ABLIM3: variants seen among roughly 807,000 people sequenced by gnomAD.
ABLIM3 encodes actin-binding LIM protein 3.
ABLIM3 carries 61 observed loss-of-function variants against 109.5 expected under a neutral mutation model. That is an observed-to-expected ratio of 0.56 (90% CI 0.45 to 0.69). The LOEUF is 0.69. Ranked by LOEUF, ABLIM3 falls within the 30% of genes least tolerant of loss-of-function variation. The pLI is 0.00. For missense variants in ABLIM3, 796 were observed against 889.5 expected (o/e 0.89, Z 1.34); for synonymous variants, 300 against 324.8 (o/e 0.92, Z 0.82).
Position 149,252,764 on chromosome 5 carries a change from C to T in ABLIM3, c.1865C>T (p.Pro622Leu). The T allele has an allele frequency of 6.2e-7, 1 of 1,613,146 alleles. No individual in the cohort carries two copies. ...NWGMREYKIY[P>L]YELLLVTTRG... ...ACCCCCCTTTCTCCTTAGATCTACCCTTATGAACTGCTGCTGGTGACTACA... is the reference window on the plus strand; with the variant it reads ...ACCCCCCTTTCTCCTTAGATCTACCTTTATGAACTGCTGCTGGTGACTACA... Residue 622 changes from proline (P) to leucine (L), a missense_variant, in exon 23 of 24, where the codon CCT becomes CTT. By Grantham distance (98) the Pro-to-Leu change is moderately conservative. Coordinates refer to ENST00000309868, the MANE Select transcript of ABLIM3 (RefSeq NM_014945.5).
At chr5:149,151,191 A>G (rs781339628) in intron 2 of ABLIM3, among the ~76,000 whole-genome samples, 3 of 152,096 alleles carry the variant, frequency 2.0e-5, no homozygotes, top group Non-Finnish European at 4.4e-5. Flanking sequence ...TTGCTTGGAG[A>G]TGGCTGCCTT....
At chr5:149,252,145 C>A in intron 21 of ABLIM3, 56 bp from the exon 22 acceptor site, 1 of 1,608,300 alleles carries the variant, frequency 6.2e-7, no homozygotes, top group Non-Finnish European at 8.5e-7. Context: ...TGTAGTGATG[C>A]AAAGCAAAGA....
In ABLIM3 at chr5:149,210,726, G is replaced by C; in HGVS notation, c.576G>C (p.Lys192Asn). Residue 192 changes from lysine (K) to asparagine (N), a missense_variant and splice_region_variant, in exon 7 of 24, where the codon AAG becomes AAC. Coordinates refer to ENST00000309868, the MANE Select transcript of ABLIM3 (RefSeq NM_014945.5). ...SVILTGEYIS[K>N]DGVPYCESDY... ...ATCCTATGTGAACTTCTTCTTGCAG[G>C]GATGGTGTTCCATACTGTGAGTCCG... The C allele has an allele frequency of 6.2e-7, 1 of 1,613,830 alleles. No homozygotes were observed.
chr5:149,164,883 A>C (rs1159110708), intron 2 of ABLIM3, among the ~76,000 whole-genome samples: 1 of 152,228 alleles, frequency 6.6e-6, no homozygotes, highest in African/African-American at 2.4e-5. Context: ...AAAAGTAATT[A>C]ACAGCCTGGA....
chr5:149,228,573 A>G lies in ABLIM3; in HGVS notation c.758-2076A>G, dbSNP rs1581184725. Among the ~76,000 whole-genome samples, 4 of 152,322 alleles carry G rather than the reference A, an allele frequency of 2.6e-5. No individual in the cohort carries two copies. The East Asian group carries it at 7.7e-4, about 29-fold the overall frequency. On this transcript the variant is annotated intron_variant, in intron 8 of 23. Coordinates refer to ENST00000309868, the MANE Select transcript of ABLIM3 (RefSeq NM_014945.5). The stretch of plus-strand genomic sequence containing the variant: ...TCCTTCTGTTAATGTCACATTGTTG[A>G]GCTATTGGCCTAGGGAATAAGCTCA...
intron 10 of ABLIM3, among the ~76,000 whole-genome samples, chr5:149,233,647 A>G (rs191029674): frequency 3.2e-4 from 48 of 152,306 alleles, no homozygotes; most frequent in African/African-American, 1.1e-3. Flanking sequence ...GCAAGAAAAA[A>G]CTGAGGATCA....
chr5:149,162,300 G>A (rs1754447156), intron 2 of ABLIM3, among the ~76,000 whole-genome samples: 1 of 152,144 alleles, frequency 6.6e-6, no homozygotes, highest in African/African-American at 2.4e-5. Context: ...CTTTATTGGG[G>A]TTATAGGTAA....
At chr5:149,199,264 C>T (rs190664923) in intron 4 of ABLIM3, 18 of 348,330 alleles carry the variant, frequency 5.2e-5, no homozygotes, top group East Asian at 1.6e-4. Flanking sequence ...AGAGTATATA[C>T]GTATTTTTTA....
chr5:149,247,864 C>A lies in ABLIM3; in HGVS notation c.1634C>A (p.Pro545His). The change falls in exon 18 of 24, where the codon CCC becomes CAC. Residue 545 changes from proline to histidine, a missense_variant. Transcript: ENST00000309868. ...TCCTATGCAGATCCCTGGACCCCTC[C>A]CCGGAGCTCCACCAGCAGCCGGGAA... Reference protein sequence around the residue: ...SSSYADPWTPPRSSTSSREAL... With the variant: ...SSSYADPWTPHRSSTSSREAL... 1 of 1,614,252 alleles carries A rather than the reference C, an allele frequency of 6.2e-7. No homozygotes were observed. The highest frequency in any genetic ancestry group is 1.1e-5 in the South Asian group (1 of 91,088).
At chr5:149,213,282 C>G (rs1759743364) in intron 7 of ABLIM3, among the ~76,000 whole-genome samples, 1 of 152,146 alleles carries the variant, frequency 6.6e-6, no homozygotes, top group Non-Finnish European at 1.5e-5. Flanking sequence ...TGACACCAAC[C>G]TTGGCGAGCA....
intron 2 of ABLIM3, among the ~76,000 whole-genome samples, chr5:149,166,352 A>G (rs1161584801): frequency 6.6e-6 from 1 of 152,198 alleles, no homozygotes; most frequent in Non-Finnish European, 1.5e-5. Context: ...CTGTCTTGGC[A>G]TAGTGATCAT....
At chr5:149,183,612 TC>T in intron 3 of ABLIM3, 23 bp downstream of exon 3, 2 of 1,504,456 alleles carry the variant, frequency 1.3e-6, no homozygotes, top group Non-Finnish European at 8.9e-7. Flanking sequence ...GCTCCCCCAC[TC>T]TCTTCTTAGA....
Position 149,214,399 on chromosome 5 carries a change from CG to C in ABLIM3, c.670-2558del, listed in dbSNP as rs928742410. On this transcript the variant is annotated intron_variant, in intron 7 of 23. Transcript: ENST00000309868. ...CTTAGATTCTATCAGCCGGCACGCCCGGTGGAAAAAAGAACTTCTCTTTTCT... is the reference window on the plus strand; with the variant it reads ...CTTAGATTCTATCAGCCGGCACGCCCGTGGAAAAAAGAACTTCTCTTTTCT... Among the ~76,000 whole-genome samples the C allele has an allele frequency of 1.1e-4, 17 of 152,102 alleles. 1 individual carries two copies. Among genetic ancestry groups the C allele is most frequent in the Admixed American group, 1.1e-3 (17 of 15,266 alleles).
chr5:149,253,278 G>C (rs973751700), intron 23 of ABLIM3, among the ~76,000 whole-genome samples: 2 of 152,154 alleles, frequency 1.3e-5, no homozygotes, highest in African/African-American at 2.4e-5. Flanking sequence ...TGGGGGACAG[G>C]GGGAGGCAGC....
intron 11 of ABLIM3, among the ~76,000 whole-genome samples, chr5:149,238,791 C>A (rs1267686677): frequency 6.6e-6 from 1 of 152,182 alleles, no homozygotes; most frequent in African/African-American, 2.4e-5. Context: ...GCTCAACTCC[C>A]TTGTTGGTGG....
chr5:149,143,002 ACTTTGTTATCAGTCCC>A (rs1393144004), intron 2 of ABLIM3, among the ~76,000 whole-genome samples: 1 of 151,944 alleles, frequency 6.6e-6, no homozygotes, highest in African/African-American at 2.4e-5. Flanking sequence ...TGGGTCTATG[ACTTTGTTATCAGTCCC>A]CTCTCTGCAT....
intron 8 of ABLIM3, among the ~76,000 whole-genome samples, chr5:149,225,982 G>GTGTGTA (rs1272837276): frequency 8.8e-5 from 4 of 45,520 alleles, no homozygotes; most frequent in East Asian, 9.0e-4. Context: ...GTGTGTGTGT[G>GTGTGTA]TATATATATA....
At chr5:149,201,312 A>G (rs553804287) in intron 5 of ABLIM3, among the ~76,000 whole-genome samples, 1 of 152,176 alleles carries the variant, frequency 6.6e-6, no homozygotes, top group South Asian at 2.1e-4. Flanking sequence ...ATGTTATATG[A>G]CACTCTCACT....
intron 3 of ABLIM3, among the ~76,000 whole-genome samples, chr5:149,186,988 GAAAAAATTAATAAA>G (rs1168003296): frequency 6.6e-6 from 1 of 151,888 alleles, no homozygotes; most frequent in African/African-American, 2.4e-5. Flanking sequence ...TGTTGCTAAA[GAAAAAATTAATAAA>G]ACAGAAGATT....
Sources: gnomAD v4.1 joint callset for allele counts (sites outside exome capture counted in the v4.1 genomes callset) on GRCh38, gnomAD v4.1.1 for gene constraint, MANE v1.5 for transcripts, NCBI Gene and HGNC (gene_info 2026-07-23, HGNC 2026-07-21) for gene names.